NFATC2: variants seen among roughly 807,000 people sequenced by gnomAD.
The protein encoded by NFATC2 is nuclear factor of activated T cells 2, also known as nuclear factor of activated T-cells, cytoplasmic 2.
A neutral mutation model predicts 87.3 loss-of-function variants in NFATC2; 22 were observed. The ratio of observed to expected loss-of-function variants is 0.25; its 90% confidence interval spans 0.18 to 0.36. The LOEUF is 0.36. Ranked by LOEUF, NFATC2 falls within the 10% of genes least tolerant of loss-of-function variation. The pLI is 1.00. For missense variants in NFATC2, 1,149 were observed against 1,259.1 expected, an observed-to-expected ratio of 0.91 and a Z score of 1.32; for synonymous variants, 565 against 542.2, an observed-to-expected ratio of 1.04 and a Z score of -0.58.
intron 2 of NFATC2, among the ~76,000 whole-genome samples, chr20:51,517,279 G>C (rs1357983155): frequency 6.6e-6 from 1 of 152,078 alleles, no homozygotes; most frequent in Non-Finnish European, 1.5e-5. Flanking sequence ...TCTAAACACA[G>C]AAAAGGTACA....
intron 5 of NFATC2, among the ~76,000 whole-genome samples, chr20:51,458,874 C>A (rs1986850783): frequency 6.6e-6 from 1 of 152,052 alleles, no homozygotes; most frequent in African/African-American, 2.4e-5. Flanking sequence ...TCTGTGGTAC[C>A]ATCACTGCAG....
rs1377682943 is a variant in NFATC2 at position 51,561,374 on chromosome 20, G to A, written c.70+1186C>T. Among the ~76,000 whole-genome samples, 638 of 136,560 alleles carry A rather than the reference G, an allele frequency of 4.7e-3. 18 individuals are homozygous for A. Among genetic ancestry groups the A allele is most frequent in the African/African-American group, 0.017 (591 of 35,538 alleles). 89.6% of individuals were successfully genotyped at this position (136,560 alleles called of 152,430 possible). A position where few individuals can be genotyped will look rare whatever the true frequency, so the allele number is the denominator to read the frequency against. On this transcript the variant is annotated intron_variant, in intron 1 of 10. Transcript: ENST00000414705. ...GAGAGAAAGAAAAGAAAGAAAGAGA[G>A]AGAAAAGAAAGAAAGAAAGAGAGAG...
chr20:51,456,921 T>C (rs986543977), intron 5 of NFATC2, among the ~76,000 whole-genome samples: 1 of 152,094 alleles, frequency 6.6e-6, no homozygotes, highest in Non-Finnish European at 1.5e-5. Context: ...TTCCAGACAC[T>C]CCACCTTGAG....
chr20:51,451,016 C>A (rs1160544233), intron 6 of NFATC2, among the ~76,000 whole-genome samples: 1 of 152,224 alleles, frequency 6.6e-6, no homozygotes, highest in East Asian at 1.9e-4. Flanking sequence ...CTCCTAACTC[C>A]GTAAGGAACT....
At chr20:51,456,725 A>T (rs1446716737) in intron 5 of NFATC2, among the ~76,000 whole-genome samples, 1 of 152,192 alleles carries the variant, frequency 6.6e-6, no homozygotes, top group Non-Finnish European at 1.5e-5. Flanking sequence ...GCAGGAGCCT[A>T]CGGACCTCCC....
intron 9 of NFATC2, among the ~76,000 whole-genome samples, chr20:51,414,114 G>T (rs527654374): frequency 3.3e-5 from 5 of 152,192 alleles, no homozygotes; most frequent in Non-Finnish European, 7.3e-5. Flanking sequence ...TATGCAGGAA[G>T]CTGAGCCAGG....
chr20:51,554,681 G>T (rs2076962525), intron 1 of NFATC2, among the ~76,000 whole-genome samples: 1 of 152,186 alleles, frequency 6.6e-6, no homozygotes, highest in Non-Finnish European at 1.5e-5. Flanking sequence ...GCGTGCAGCA[G>T]GTTGTGGTGT....
In NFATC2 at chr20:51,558,975, A is replaced by T. The variant is rs1054300856; in HGVS notation, c.70+3585T>A. ...CGATCCCTGGCCTCAGGGGGCTTGT[A>T]ATCTAGCCAAAGAAAGTTCTTAATA... On this transcript the variant is annotated intron_variant, in intron 1 of 10. Transcript: ENST00000414705. Among the ~76,000 whole-genome samples, 5 of 152,318 alleles carry T rather than the reference A, an allele frequency of 3.3e-5. No individual in the cohort carries two copies. In the East Asian group the frequency reaches 9.6e-4, roughly 29 times the overall value.
intron 6 of NFATC2, among the ~76,000 whole-genome samples, chr20:51,441,736 A>G (rs559924164): frequency 6.8e-6 from 1 of 148,136 alleles, no homozygotes; most frequent in Admixed American, 6.7e-5. Flanking sequence ...AAAAAAAAAG[A>G]TAAAGTTAAT....
chr20:51,533,639 C>G (rs1413264820), intron 1 of NFATC2, among the ~76,000 whole-genome samples: 1 of 152,244 alleles, frequency 6.6e-6, no homozygotes, highest in African/African-American at 2.4e-5. Flanking sequence ...CCAGCTAAGA[C>G]AGCTGTCTGC....
chr20:51,537,394 T>C (rs1416925151), intron 1 of NFATC2, among the ~76,000 whole-genome samples: 1 of 151,948 alleles, frequency 6.6e-6, no homozygotes, highest in East Asian at 1.9e-4. Context: ...ACCTCAAAAG[T>C]GTAAGGATCA....
rs1330810011 is a variant in NFATC2 at position 51,388,437 on chromosome 20, T to TA, written c.*3058_*3059insT. On this transcript the variant is annotated 3_prime_UTR_variant, in exon 11 of 11. Transcript: ENST00000371564. ...GTGACTAACAGGCTCTGAGTGGGGG[T>TA]TTTATTATATGGGTTTTTGTTTCCT... 6.6e-6 allele frequency: 1 copy of TA among 151,884 alleles called. No homozygotes were observed. Among genetic ancestry groups the TA allele is most frequent in the Admixed American group, 6.6e-5 (1 of 15,234 alleles). 9.4% of individuals were successfully genotyped at this position (151,884 alleles called of 1,614,324 possible). A position where few individuals can be genotyped will look rare whatever the true frequency, so the allele number is the denominator to read the frequency against.
At chr20:51,419,022 T>C (rs1236003146) in intron 9 of NFATC2, among the ~76,000 whole-genome samples, 1 of 151,840 alleles carries the variant, frequency 6.6e-6, no homozygotes, top group Non-Finnish European at 1.5e-5. Context: ...TTTATTTCAC[T>C]GTTTGTCTCA....
At chr20:51,460,719 C>T (rs953209401) in intron 5 of NFATC2, among the ~76,000 whole-genome samples, 3 of 151,816 alleles carry the variant, frequency 2.0e-5, no homozygotes, top group Non-Finnish European at 2.9e-5. Context: ...GCGATCCGCA[C>T]GCCTCGCCCT....
At chr20:51,550,301 A>G (rs1348654632) in intron 1 of NFATC2, among the ~76,000 whole-genome samples, 1 of 152,118 alleles carries the variant, frequency 6.6e-6, no homozygotes, top group Non-Finnish European at 1.5e-5. Context: ...AAATAATAAT[A>G]ATAGGCCAAG....
At chr20:51,530,602 C>G (rs967445152) in intron 1 of NFATC2, among the ~76,000 whole-genome samples, 3 of 152,106 alleles carry the variant, frequency 2.0e-5, no homozygotes, top group African/African-American at 7.2e-5. Flanking sequence ...GGCCTGCATA[C>G]GAAGCATCAG....
At position 51,524,486 on chromosome 20, in the gene NFATC2, C is replaced by T. The variant is rs1356159853; in HGVS notation, c.131-376G>A. Among the ~76,000 whole-genome samples the T allele has an allele frequency of 1.3e-5, 2 of 152,216 alleles. No individual in the cohort carries two copies. Among genetic ancestry groups the T allele is most frequent in the African/African-American group, 4.8e-5 (2 of 41,452 alleles). On this transcript the variant is annotated intron_variant, in intron 1 of 10. Coordinates refer to ENST00000371564, the MANE Select transcript of NFATC2 (RefSeq NM_012340.5). The surrounding 1 kb of genome is among the most constrained non-coding windows in gnomAD (Gnocchi z 4.0). ...ACTTACCCCTGCTACATGACACCCT[C>T]AGACCCTCCCTCCTGCCTGAGTGAT...
intron 9 of NFATC2, among the ~76,000 whole-genome samples, chr20:51,403,151 C>CTATCT (rs1169438601): frequency 1.3e-5 from 2 of 152,204 alleles, no homozygotes; most frequent in African/African-American, 2.4e-5. Flanking sequence ...ACCTTTGGAT[C>CTATCT]TATCTTTTGT....
chr20:51,464,045 T>A (rs752016815), intron 5 of NFATC2, among the ~76,000 whole-genome samples: 2 of 152,172 alleles, frequency 1.3e-5, no homozygotes, highest in African/African-American at 4.8e-5. Flanking sequence ...CAGATAACTA[T>A]TGGGGTTCCT....
Sources: gnomAD v4.1 joint callset for allele counts (sites outside exome capture counted in the v4.1 genomes callset) on GRCh38, gnomAD v4.1.1 for gene constraint, Gnocchi (gnomAD v3.1) non-coding constraint, MANE v1.5 for transcripts, NCBI Gene and HGNC (gene_info 2026-07-23, HGNC 2026-07-21) for gene names.